SDAD1: variants seen among roughly 807,000 people sequenced by gnomAD.
The protein encoded by SDAD1 is SDA1 domain containing 1.
SDAD1 carries 79 observed loss-of-function variants against 100.3 expected under a neutral mutation model. The ratio of observed to expected loss-of-function variants is 0.79; its 90% confidence interval spans 0.66 to 0.95. The LOEUF (loss-of-function observed/expected upper bound fraction) is 0.95. SDAD1 is among the 40% of genes least tolerant of loss of function. The pLI is 0.00. For synonymous variants in SDAD1, 267 were observed against 271.4 expected (o/e 0.98, Z 0.16); for missense variants, 790 against 810.9 (o/e 0.97, Z 0.31).
At chr4:75,967,211 C>A in intron 12 of SDAD1, 66 bp downstream of exon 12, 1 of 1,461,656 alleles carries the variant, frequency 6.8e-7, no homozygotes, top group Admixed American at 1.7e-5. Context: ...GATTCCAGAA[C>A]AAAAGACTTT....
At chr4:75,960,363 G>A (rs996477648) in intron 16 of SDAD1, among the ~76,000 whole-genome samples, 171 bp from the exon 17 acceptor site, 2 of 152,016 alleles carry the variant, frequency 1.3e-5, no homozygotes, top group South Asian at 4.1e-4. Context: ...TACAACCTCC[G>A]CCTCCTGGGC....
chr4:75,970,493 C>A, intron 9 of SDAD1, 115 bp from the exon 10 acceptor site: 1 of 718,874 alleles, frequency 1.4e-6, no homozygotes, highest in Non-Finnish European at 2.2e-6. Context: ...AGAAAAAAAA[C>A]TTTGTTCTAA....
rs143095624 is a variant in SDAD1 at position 75,974,646 on chromosome 4, T to C, written c.579-513A>G. ...ACTGCTTGAACCCAGGAGGCGGAGGTTGCAGTGAGCCAAGATCACACCATT... is the reference window on the plus strand; with the variant it reads ...ACTGCTTGAACCCAGGAGGCGGAGGCTGCAGTGAGCCAAGATCACACCATT... On this transcript the variant is annotated intron_variant, in intron 6 of 21. Transcript: ENST00000356260. 3.2e-3 allele frequency among the ~76,000 whole-genome samples: 489 copies of C among 151,608 alleles called. 5 individuals carry two copies. The highest frequency in any genetic ancestry group is 0.011 in the African/African-American group (464 of 41,274).
intron 21 of SDAD1, among the ~76,000 whole-genome samples, chr4:75,955,618 T>C (rs923029745): frequency 1.3e-5 from 2 of 152,228 alleles, no homozygotes; most frequent in African/African-American, 2.4e-5. Context: ...CAATTAATTT[T>C]GATATTATAT....
chr4:75,989,561 CAT>C (rs919541849), intron 1 of SDAD1, among the ~76,000 whole-genome samples: 1 of 152,174 alleles, frequency 6.6e-6, no homozygotes, highest in African/African-American at 2.4e-5. Context: ...CCCCTTCTTA[CAT>C]ATTAAAATAC....
At chr4:75,962,671 G>A (rs1729314080) in intron 14 of SDAD1, among the ~76,000 whole-genome samples, 1 of 152,162 alleles carries the variant, frequency 6.6e-6, no homozygotes, top group Non-Finnish European at 1.5e-5. Flanking sequence ...ATTTTTTAAT[G>A]TGCCTTTAGG....
In SDAD1 at chr4:75,957,829, T is replaced by A; in HGVS notation, c.1578+18A>T. 6.2e-7 allele frequency: 1 copy of A among 1,613,532 alleles called. No homozygotes were observed. The highest frequency in any genetic ancestry group is 1.7e-4 in the Middle Eastern group (1 of 6,056). ...TCTTAATAAACACCAGGTTATAAGA[T>A]GAAATTTTCAGACTTACGATTTCTT... On this transcript the variant is annotated intron_variant, in intron 18 of 21. Coordinates refer to ENST00000356260, the MANE Select transcript of SDAD1 (RefSeq NM_018115.4).
At position 75,975,768 on chromosome 4, in the gene SDAD1, A is replaced by G. The variant is rs140040693; in HGVS notation, c.554T>C (p.Ile185Thr). 595 of 1,613,324 alleles carry G rather than the reference A, an allele frequency of 3.7e-4. 3 individuals are homozygous for G. The East Asian group carries it at 9.4e-3, about 26-fold the overall frequency. The change falls in exon 6 of 22, where the codon ATT becomes ACT. Residue 185 changes from isoleucine to threonine, a missense_variant. Transcript: ENST00000356260. ...TAAKMSLDVM[I>T]ELYRRNIWND... ...CCAGATGTTCCTTCTGTAGAGTTCA[A>G]TCATTACATCTAAAGACATCTTGGC...
chr4:75,969,243 A>G, intron 11 of SDAD1, 53 bp downstream of exon 11: 1 of 1,424,580 alleles, frequency 7.0e-7, no homozygotes, highest in Non-Finnish European at 9.8e-7. Context: ...TTCTTTTACC[A>G]TGGTAAATTC....
intron 9 of SDAD1, 30 bp from the exon 10 acceptor site, chr4:75,970,408 C>A (rs1156788750): frequency 1.3e-6 from 2 of 1,546,822 alleles, no homozygotes; most frequent in East Asian, 2.2e-5. Flanking sequence ...CATTTTCAGT[C>A]TGAGTTACAG....
rs147449768 is a variant in SDAD1 at position 75,956,095 on chromosome 4, G to C, written c.1896C>G (p.Thr632=). 3 of 1,608,566 alleles carry C rather than the reference G, an allele frequency of 1.9e-6. No homozygotes were observed. The African/African-American group carries it at 4.0e-5, about 22-fold the overall frequency. The part of the protein sequence containing the change: ...TDRKEFVRKK[T]KTNPFSSSTN... The stretch of plus-strand genomic sequence containing the variant: ...TCGAACTGGAAAATGGATTTGTTTT[G>C]GTTTTCTTCCTCACAAATTCTTTTC... The change falls in exon 21 of 22, where the codon ACC becomes ACG. Residue 632 remains threonine, a synonymous_variant. Transcript: ENST00000356260.
At position 75,960,125 on chromosome 4, in the gene SDAD1, T is replaced by C; in HGVS notation, c.1424A>G (p.Tyr475Cys). ...QEYGELDAKD[Y>C]IPGAEVLEVE... ...TTCCAGAACTTCTGCTCCTGGAATG[T>C]AATCTTTAGCATCTAATTCTCCATA... Residue 475 changes from tyrosine to cysteine, a missense_variant, in exon 17 of 22, where the codon TAC (tyrosine) becomes TGC (cysteine). Transcript: ENST00000356260. 1.2e-6 allele frequency: 2 copies of C among 1,612,270 alleles called. No homozygotes were observed. The highest frequency in any genetic ancestry group is 1.1e-5 in the South Asian group (1 of 90,888).
intron 16 of SDAD1, 23 bp downstream of exon 16, chr4:75,961,005 C>T (rs1187218350): frequency 6.2e-7 from 1 of 1,602,952 alleles, no homozygotes; most frequent in Admixed American, 1.7e-5. Flanking sequence ...ACCTTTAGAC[C>T]AACATAAGTG....
At chr4:75,974,023 CAGA>C in intron 7 of SDAD1, 50 bp downstream of exon 7, 3 of 1,481,348 alleles carry the variant, frequency 2.0e-6, no homozygotes, top group Non-Finnish European at 1.9e-6. Context: ...TAACTGCATG[CAGA>C]AGCAGACCAT....
intron 1 of SDAD1, among the ~76,000 whole-genome samples, chr4:75,983,494 G>A (rs1392992711): frequency 2.0e-5 from 3 of 152,176 alleles, no homozygotes; most frequent in Non-Finnish European, 2.9e-5. Flanking sequence ...TCTAACTGGC[G>A]TGAGATGGTA....
intron 1 of SDAD1, among the ~76,000 whole-genome samples, chr4:75,984,004 A>G (rs996944346): frequency 6.6e-6 from 1 of 152,032 alleles, no homozygotes; most frequent in East Asian, 1.9e-4. Context: ...CTTTCTGCAT[A>G]TGGCTAGCCA....
In SDAD1 at chr4:75,958,144, A is replaced by G. The variant is rs77387518; in HGVS notation, c.1484-203T>C. On this transcript the variant is annotated intron_variant, in intron 17 of 21. Coordinates refer to ENST00000356260, the MANE Select transcript of SDAD1 (RefSeq NM_018115.4). The stretch of plus-strand genomic sequence containing the variant: ...AATAGGCACTGATCAAGTATCTACC[A>G]TGAGTCAAAACCTTACAATCACTCT... Among the ~76,000 whole-genome samples, 53 of 152,340 alleles carry G rather than the reference A, an allele frequency of 3.5e-4. No homozygotes were observed. In the East Asian group the frequency reaches 9.1e-3, roughly 26 times the overall value.
chr4:75,961,460 G>A (rs1002273964), intron 14 of SDAD1, 152 bp from the exon 15 acceptor site: 4 of 604,600 alleles, frequency 6.6e-6, no homozygotes, highest in African/African-American at 5.6e-5. Flanking sequence ...GTTAGAGAAT[G>A]TCAGGTAGGC....
At chr4:75,959,429 C>A (rs1285996348) in intron 17 of SDAD1, among the ~76,000 whole-genome samples, 2 of 151,900 alleles carry the variant, frequency 1.3e-5, no homozygotes, top group Non-Finnish European at 2.9e-5. Flanking sequence ...CATGGTGAAA[C>A]CCTATCTCTA....
Sources: allele counts gnomAD v4.1 joint callset (sites outside exome capture counted in the v4.1 genomes callset), GRCh38; gene constraint gnomAD v4.1.1; transcripts MANE v1.5; gene names NCBI Gene and HGNC (gene_info 2026-07-23, HGNC 2026-07-21).